VWC2: variants seen among roughly 807,000 people sequenced by gnomAD.
VWC2 encodes von Willebrand factor C domain containing 2, also known as brorin.
A neutral mutation model predicts 29.8 loss-of-function variants in VWC2; 14 were observed. The ratio of observed to expected loss-of-function variants is 0.47; its 90% CI spans 0.31 to 0.74. VWC2 has a LOEUF of 0.74. Among genes scored for constraint, VWC2 ranks in the 30% least tolerant of loss-of-function variants. VWC2 has a pLI of 0.05. For synonymous variants in VWC2, 213 were observed against 199.0 expected (o/e 1.07, Z -0.59); for missense variants, 457 against 459.8 (o/e 0.99, Z 0.05).
chr7:49,804,859 C>T (rs1200780730), intron 3 of VWC2, among the ~76,000 whole-genome samples: 8 of 152,084 alleles, frequency 5.3e-5, no homozygotes, highest in Admixed American at 3.3e-4. Context: ...TTTTCTTTCC[C>T]ATAAGACACA....
intron 3 of VWC2, among the ~76,000 whole-genome samples, chr7:49,862,653 GT>G (rs200190931): frequency 4.8e-4 from 68 of 141,260 alleles, no homozygotes; most frequent in East Asian, 1.9e-3. Context: ...ACTTTGATGT[GT>G]TTTTTTTTTC....
chr7:49,851,854 TAAA>T (rs77423510), intron 3 of VWC2, among the ~76,000 whole-genome samples: 1 of 136,382 alleles, frequency 7.3e-6, no homozygotes, highest in African/African-American at 2.7e-5. Context: ...AGACTCTGTC[TAAA>T]AAAAAAAAAA....
At chr7:49,815,260 A>C (rs1789109511) in intron 3 of VWC2, among the ~76,000 whole-genome samples, 2 of 152,192 alleles carry the variant, frequency 1.3e-5, no homozygotes, top group South Asian at 4.1e-4. Flanking sequence ...CAATTATGAT[A>C]AAAGTAGTGA....
At chr7:49,794,321 G>A (rs55638585) in intron 2 of VWC2, among the ~76,000 whole-genome samples, 15,551 of 152,112 alleles carry the variant, frequency 0.1, 953 homozygotes, top group East Asian at 0.17. Flanking sequence ...GAGATGGAAC[G>A]TTCTTTTATA....
intron 3 of VWC2, among the ~76,000 whole-genome samples, chr7:49,847,280 T>C (rs1485381783): frequency 6.6e-6 from 1 of 151,262 alleles, no homozygotes; most frequent in Non-Finnish European, 1.5e-5. Flanking sequence ...ATCTGACTAG[T>C]ATCATTTGCG....
chr7:49,862,656 T>C (rs1790702572), intron 3 of VWC2, among the ~76,000 whole-genome samples: 1 of 152,066 alleles, frequency 6.6e-6, no homozygotes, highest in Non-Finnish European at 1.5e-5. Context: ...TTGATGTGTT[T>C]TTTTTTTCAT....
At chr7:49,874,548 ATG>A (rs3062201) in intron 3 of VWC2, among the ~76,000 whole-genome samples, 104,993 of 147,622 alleles carry the variant, frequency 0.71, 36,924 homozygotes, top group East Asian at 0.88. Flanking sequence ...ATGACTATAT[ATG>A]TGTGTGTGTG....
chr7:49,847,751 C>A (rs1790001361), intron 3 of VWC2, among the ~76,000 whole-genome samples: 1 of 152,158 alleles, frequency 6.6e-6, no homozygotes, highest in Non-Finnish European at 1.5e-5. Flanking sequence ...GTGATTTCAG[C>A]AGACTGTGAG....
At chr7:49,881,965 T>G (rs1791684345) in intron 3 of VWC2, among the ~76,000 whole-genome samples, 1 of 152,018 alleles carries the variant, frequency 6.6e-6, no homozygotes. Context: ...GAAAATAAAT[T>G]ACATTTTCGT....
At chr7:49,823,036 G>C (rs1789300607) in intron 3 of VWC2, among the ~76,000 whole-genome samples, 1 of 152,242 alleles carries the variant, frequency 6.6e-6, no homozygotes. Flanking sequence ...GAATGGAACT[G>C]TGGGAGTGAG....
At chr7:49,800,145 G>T (rs1284262328) in intron 2 of VWC2, among the ~76,000 whole-genome samples, 4 of 152,208 alleles carry the variant, frequency 2.6e-5, no homozygotes, top group Non-Finnish European at 5.9e-5. Context: ...GTATTCTGTG[G>T]CATGGATTCA....
chr7:49,809,459 A>G (rs897588100), intron 3 of VWC2, among the ~76,000 whole-genome samples: 2 of 152,052 alleles, frequency 1.3e-5, no homozygotes, highest in African/African-American at 4.8e-5. Context: ...AATAATACCA[A>G]TCTTTTACAA....
intron 3 of VWC2, among the ~76,000 whole-genome samples, chr7:49,884,787 C>G (rs758439014): frequency 5.6e-4 from 85 of 151,742 alleles, no homozygotes; most frequent in Admixed American, 4.6e-4. Context: ...ATAAATAAAC[C>G]TAGGATTCCA....
intron 3 of VWC2, among the ~76,000 whole-genome samples, chr7:49,828,032 C>T (rs1789442686): frequency 6.6e-6 from 1 of 152,158 alleles, no homozygotes; most frequent in South Asian, 2.1e-4. Flanking sequence ...AATTCCCATC[C>T]CACCCTACCT....
At chr7:49,871,233 C>A (rs986902332) in intron 3 of VWC2, among the ~76,000 whole-genome samples, 4 of 152,140 alleles carry the variant, frequency 2.6e-5, no homozygotes, top group African/African-American at 9.7e-5. Context: ...CTTCTTACAG[C>A]CTTCCATGTA....
At chr7:49,818,892 C>CAT (rs1335025895) in intron 3 of VWC2, among the ~76,000 whole-genome samples, 1 of 149,186 alleles carries the variant, frequency 6.7e-6, no homozygotes, top group Non-Finnish European at 1.5e-5. Context: ...AATATAAATT[C>CAT]ATATATATAT....
At chr7:49,808,567 A>T (rs757161200) in intron 3 of VWC2, among the ~76,000 whole-genome samples, 1 of 152,054 alleles carries the variant, frequency 6.6e-6, no homozygotes, top group Non-Finnish European at 1.5e-5. Context: ...TCCACTGAAG[A>T]ATACTCATTT....
chr7:49,812,374 G>T (rs1789034353), intron 3 of VWC2, among the ~76,000 whole-genome samples: 1 of 152,146 alleles, frequency 6.6e-6, no homozygotes, highest in Admixed American at 6.5e-5. Context: ...TGAAATTTTT[G>T]TAATTTCCTT....
intron 3 of VWC2, among the ~76,000 whole-genome samples, chr7:49,811,733 A>G (rs1465113272): frequency 6.6e-6 from 1 of 152,230 alleles, no homozygotes; most frequent in African/African-American, 2.4e-5. Flanking sequence ...TGGTGCGCCT[A>G]CTTTGGAAAA....
Sources: allele counts gnomAD v4.1 joint callset (sites outside exome capture counted in the v4.1 genomes callset), GRCh38; gene constraint gnomAD v4.1.1; transcripts MANE v1.5; gene names NCBI Gene and HGNC (gene_info 2026-07-23, HGNC 2026-07-21).